The following GMPR variants were observed in gnomAD, a reference collection of about 807,000 sequenced individuals.
The protein encoded by GMPR is GMP reductase 1.
In GMPR, 31 loss-of-function variants were observed where a neutral mutation model predicts 38.4. The observed-to-expected ratio is 0.81, with a 90% confidence interval of 0.61 to 1.09. The LOEUF (loss-of-function observed/expected upper bound fraction) is 1.09, where lower values mean the gene tolerates loss of function less well. Among genes scored for constraint, GMPR ranks in the 50% least tolerant of loss-of-function variants. GMPR has a pLI of 0.00. For missense variants in GMPR, 468 were observed against 453.7 expected (o/e 1.03, Z -0.29); for synonymous variants, 162 against 173.3 (o/e 0.93, Z 0.51).
In GMPR at chr6:16,282,922, C is replaced by T. The variant is rs375739282; in HGVS notation, c.655-2871C>T. Among the ~76,000 whole-genome samples, 150 of 152,008 alleles carry T rather than the reference C, an allele frequency of 9.9e-4. 1 individual carries two copies. The highest frequency in any genetic ancestry group is 3.6e-3 in the African/African-American group (148 of 41,436). ...CTCCCAGGTTTAAGTGATAGTCCTG[C>T]CTCAGCCTCCCGAGTAGCTGGGATT... On this transcript the variant is annotated intron_variant, in intron 6 of 8. Transcript: ENST00000259727.
intron 4 of GMPR, among the ~76,000 whole-genome samples, chr6:16,273,609 G>A (rs1759423738): frequency 6.6e-6 from 1 of 152,080 alleles, no homozygotes; most frequent in African/African-American, 2.4e-5. Context: ...GCCCTTTCCT[G>A]TCTAGATGGG....
intron 2 of GMPR, among the ~76,000 whole-genome samples, chr6:16,249,169 T>G: frequency 9.1e-6 from 1 of 110,042 alleles, no homozygotes; most frequent in Non-Finnish European, 1.6e-5. Flanking sequence ...TTTTGTAATT[T>G]TTTTTTTTTT....
intron 4 of GMPR, among the ~76,000 whole-genome samples, chr6:16,266,100 AACACTTGCCATCTTTAAGAGCTG>A: frequency 1.5e-5 from 1 of 68,284 alleles, no homozygotes; most frequent in African/African-American, 5.4e-5. Flanking sequence ...TAAGAGCTGT[AACACTTGCCATCTTTAAGAGCTG>A]TAACACTTGC....
At chr6:16,248,991 G>A (rs1758811625) in intron 2 of GMPR, among the ~76,000 whole-genome samples, 1 of 152,108 alleles carries the variant, frequency 6.6e-6, no homozygotes, top group Non-Finnish European at 1.5e-5. Flanking sequence ...ACTAGCACAA[G>A]TTACTAAAGT....
chr6:16,238,681 G>C lies in GMPR; in HGVS notation c.-13G>C. 1 of 1,324,922 alleles carries C rather than the reference G, an allele frequency of 7.5e-7. No individual in the cohort carries two copies. Among genetic ancestry groups the C allele is most frequent in the Non-Finnish European group, 9.8e-7 (1 of 1,017,398 alleles). 82.1% of individuals were successfully genotyped at this position (1,324,922 alleles called of 1,614,324 possible). On this transcript the variant is annotated 5_prime_UTR_variant, in exon 1 of 9. Coordinates refer to ENST00000259727, the MANE Select transcript of GMPR (RefSeq NM_006877.4). The stretch of plus-strand genomic sequence containing the variant: ...CCGCCGTCGCCGCCGCCGCAGCCAG[G>C]AGCCGCTGCACCATGCCCCGCATAG...
chr6:16,290,391 A>G (rs1759816792), intron 7 of GMPR, 71 bp from the exon 8 acceptor site: 2 of 1,438,914 alleles, frequency 1.4e-6, no homozygotes, highest in Non-Finnish European at 1.9e-6. Flanking sequence ...AAGCACTGGG[A>G]TTTTTTGAGA....
At chr6:16,262,557 C>T (rs1229519942) in intron 4 of GMPR, 1 of 152,006 alleles carries the variant, frequency 6.6e-6, no homozygotes, top group Non-Finnish European at 1.5e-5. Context: ...GTTTGTCTCA[C>T]AGTGGAGGCA....
At chr6:16,241,577 T>C (rs188391595) in intron 1 of GMPR, among the ~76,000 whole-genome samples, 59 of 152,300 alleles carry the variant, frequency 3.9e-4, no homozygotes, top group African/African-American at 1.3e-3. Context: ...TGGGGACATT[T>C]GGATAATCTT....
At chr6:16,265,712 C>T (rs138108655) in intron 4 of GMPR, among the ~76,000 whole-genome samples, 2,430 of 152,308 alleles carry the variant, frequency 0.016, 46 homozygotes, top group Non-Finnish European at 0.021. Context: ...ACACACCACT[C>T]CGCACTCTGT....
intron 4 of GMPR, among the ~76,000 whole-genome samples, chr6:16,265,893 A>G (rs1404021860): frequency 2.6e-5 from 4 of 152,188 alleles, no homozygotes; most frequent in African/African-American, 9.7e-5. Flanking sequence ...GAGCTGTAAC[A>G]CTTACTGCAA....
rs1446853114 is a variant in GMPR at position 16,288,292 on chromosome 6, C to T, written c.698-2170C>T. Reference sequence around the variant, plus strand: ...GTGGCAACCGAGGATGCGCGAGGCGCTTGCGGGCCAGCTGGAGTTCCGGGT... The same window carrying T: ...GTGGCAACCGAGGATGCGCGAGGCGTTTGCGGGCCAGCTGGAGTTCCGGGT... On this transcript the variant is annotated intron_variant, in intron 7 of 8. Transcript: ENST00000259727. Among the ~76,000 whole-genome samples, 5 of 152,234 alleles carry T rather than the reference C, an allele frequency of 3.3e-5. 1 individual carries two copies. The East Asian group carries it at 9.6e-4, about 29-fold the overall frequency.
intron 4 of GMPR, among the ~76,000 whole-genome samples, chr6:16,271,794 A>G (rs1254718149): frequency 6.6e-6 from 1 of 152,220 alleles, no homozygotes; most frequent in East Asian, 1.9e-4. Context: ...CCTAGACATC[A>G]TCTGTTAGCA....
intron 1 of GMPR, among the ~76,000 whole-genome samples, chr6:16,246,528 A>C (rs1758758194): frequency 6.6e-6 from 1 of 152,066 alleles, no homozygotes; most frequent in Non-Finnish European, 1.5e-5. Flanking sequence ...TCCTCCCAGG[A>C]GGGGAATGGT....
chr6:16,282,709 A>G (rs748589468), intron 6 of GMPR, among the ~76,000 whole-genome samples: 7 of 152,146 alleles, frequency 4.6e-5, no homozygotes, highest in Non-Finnish European at 7.3e-5. Flanking sequence ...CATGTTTGCC[A>G]TACCATCCTT....
At chr6:16,278,980 G>A in intron 6 of GMPR, 90 bp downstream of exon 6, 1 of 776,026 alleles carries the variant, frequency 1.3e-6, no homozygotes. Context: ...CATCCTGTGG[G>A]CATGGGAGGG....
intron 1 of GMPR, among the ~76,000 whole-genome samples, chr6:16,243,343 C>A (rs6910171): frequency 0.16 from 24,375 of 152,118 alleles, 2,929 homozygotes; most frequent in East Asian, 0.58. Flanking sequence ...ATTTGTGGAA[C>A]CCTGCGGCTC....
chr6:16,262,718 G>A (rs886611869), intron 4 of GMPR: 1 of 152,108 alleles, frequency 6.6e-6, no homozygotes, highest in South Asian at 2.1e-4. Context: ...AGAATAAGAC[G>A]GCCTTTTGAA....
Position 16,238,702 on chromosome 6 carries a change from C to G in GMPR, c.9C>G (p.Arg3=), listed in dbSNP as rs1291252247. The G allele has an allele frequency of 1.4e-6, 2 of 1,421,418 alleles. No individual in the cohort carries two copies. Among genetic ancestry groups the G allele is most frequent in the South Asian group, 3.0e-5 (2 of 67,544 alleles). 88.1% of individuals were successfully genotyped at this position (1,421,418 alleles called of 1,614,324 possible). MP[R]IDADLKLDFK... is the part of the protein sequence containing the mutation. ...CCAGGAGCCGCTGCACCATGCCCCG[C>G]ATAGATGCGGACCTCAAGCTCGACT... The change falls in exon 1 of 9, where the codon CGC becomes CGG. Residue 3 remains arginine, a synonymous_variant. Transcript: ENST00000259727.
chr6:16,288,095 A>C (rs1229180225), intron 7 of GMPR, among the ~76,000 whole-genome samples: 1 of 152,218 alleles, frequency 6.6e-6, no homozygotes, highest in African/African-American at 2.4e-5. Context: ...GAGAGGTGAC[A>C]GCCCTCACAG....
Sources: gnomAD v4.1 joint callset for allele counts (sites outside exome capture counted in the v4.1 genomes callset) on GRCh38, gnomAD v4.1.1 for gene constraint, MANE v1.5 for transcripts, NCBI Gene and HGNC (gene_info 2026-07-23, HGNC 2026-07-21) for gene names.